The following RDH16 variants were observed in gnomAD, a reference collection of about 807,000 sequenced individuals.
RDH16 encodes human epidermal retinol dehydrogenase.
RDH16 carries 25 observed loss-of-function variants against 22.3 expected under a neutral mutation model. The ratio of observed to expected loss-of-function variants is 1.12; its 90% CI spans 0.82 to 1.56. The LOEUF is 1.56. Ranked by LOEUF, RDH16 falls within the 40% of genes most tolerant of loss-of-function variation. The pLI, the probability that RDH16 is intolerant of heterozygous loss-of-function variation, is 0.00. For missense variants in RDH16, 413 were observed against 394.9 expected, an observed-to-expected ratio of 1.05 and a Z score of -0.39; for synonymous variants, 154 against 164.4, an observed-to-expected ratio of 0.94 and a Z score of 0.48.
chr12:56,951,793 C>G lies in RDH16; in HGVS notation c.*236G>C. The G allele has an allele frequency of 1.8e-6, 1 of 555,652 alleles. No homozygotes were observed. The allele number at this position is 555,652 out of a possible 1,614,324, so 34.4% of individuals were successfully genotyped here. A position where few individuals can be genotyped will look rare whatever the true frequency, so the allele number is the denominator to read the frequency against. On this transcript the variant is annotated 3_prime_UTR_variant, in exon 4 of 4. Transcript: ENST00000398138. ...GTGGCCACCCACGGTGACAATGCAC[C>G]CAGGAGCACTATTTGGTCCCTGTTT...
At chr12:56,953,999 C>A (rs144293112) in intron 2 of RDH16, among the ~76,000 whole-genome samples, 7 of 152,168 alleles carry the variant, frequency 4.6e-5, no homozygotes, top group Non-Finnish European at 8.8e-5. Flanking sequence ...GACTCAGATG[C>A]TCTACCCATC....
At chr12:56,953,224 C>G (rs935551075) in intron 2 of RDH16, among the ~76,000 whole-genome samples, 1 of 152,172 alleles carries the variant, frequency 6.6e-6, no homozygotes, top group Non-Finnish European at 1.5e-5. Flanking sequence ...CCTACCAATT[C>G]CAAAGCAAGG....
chr12:56,956,212 C>A (rs1955927718), intron 1 of RDH16, among the ~76,000 whole-genome samples: 1 of 152,090 alleles, frequency 6.6e-6, no homozygotes, highest in South Asian at 2.1e-4. Context: ...AATAAAAGTC[C>A]ACCAAGATGA....
In RDH16 at chr12:56,954,900, C is replaced by A; in HGVS notation, c.572+6G>T. 1 of 1,614,096 alleles carries A rather than the reference C, an allele frequency of 6.2e-7. No individual in the cohort carries two copies. The highest frequency in any genetic ancestry group is 8.5e-7 in the Non-Finnish European group (1 of 1,180,020). ...GACTAGGGTGGGCCCCATCCCAGAC[C>A]CATACCTGAGGGAGTCAGAGAAGGC... On this transcript the variant is annotated splice_donor_region_variant and intron_variant, in intron 2 of 3. Transcript: ENST00000398138.
In RDH16 at chr12:56,951,926, A is replaced by T; in HGVS notation, c.*103T>A. ...ATGAAGGAGGTGGGATTGGTGCCCT[A>T]CTGACCGGACGGCTCCCTCCCTCCA... On this transcript the variant is annotated 3_prime_UTR_variant, in exon 4 of 4. Coordinates refer to ENST00000398138, the MANE Select transcript of RDH16 (RefSeq NM_003708.5). 1 of 904,356 alleles carries T rather than the reference A, an allele frequency of 1.1e-6. No individual in the cohort carries two copies. The highest frequency in any genetic ancestry group is 1.7e-6 in the Non-Finnish European group (1 of 572,096). The allele number at this position is 904,356 out of a possible 1,614,324, so 56.0% of individuals were successfully genotyped here.
Position 56,951,936 on chromosome 12 carries a change from C to T in RDH16, c.*93G>A, listed in dbSNP as rs147795803. 7.7e-5 allele frequency: 82 copies of T among 1,064,496 alleles called. No individual in the cohort carries two copies. Among genetic ancestry groups the T allele is most frequent in the South Asian group, 7.1e-4 (49 of 69,006 alleles). 65.9% of individuals were successfully genotyped at this position (1,064,496 alleles called of 1,614,324 possible). On this transcript the variant is annotated 3_prime_UTR_variant, in exon 4 of 4. Transcript: ENST00000398138. ...TGGGATTGGTGCCCTACTGACCGGA[C>T]GGCTCCCTCCCTCCACTTTATATCT...
At position 56,957,291 on chromosome 12, in the gene RDH16, C is replaced by G; in HGVS notation, c.172G>C (p.Ala58Pro). ...QLDARGLRVLAACLTEKGAEQ... is the reference protein window; with the variant it reads ...QLDARGLRVLPACLTEKGAEQ... ...GCTCCTTTCTCCGTCAGACATGCAG[C>G]CAGCACCCGCAAGCCTCGTGCATCC... The change falls in exon 1 of 4, where the codon GCT becomes CCT. Residue 58 changes from alanine (A) to proline (P), a missense_variant. Transcript: ENST00000398138. 3 of 1,614,206 alleles carry G rather than the reference C, an allele frequency of 1.9e-6. No individual in the cohort carries two copies. Among genetic ancestry groups the G allele is most frequent in the South Asian group, 1.1e-5 (1 of 91,080 alleles).
At chr12:56,953,033 G>A (rs368702955) in intron 2 of RDH16, 43 bp from the exon 3 acceptor site, 48 of 1,552,998 alleles carry the variant, frequency 3.1e-5, no homozygotes, top group South Asian at 9.7e-5. Flanking sequence ...CGGGGGTCTT[G>A]GAAGGTAAAA....
At chr12:56,953,784 G>T (rs1565618352) in intron 2 of RDH16, among the ~76,000 whole-genome samples, 1 of 152,202 alleles carries the variant, frequency 6.6e-6, no homozygotes, top group Non-Finnish European at 1.5e-5. Context: ...CCCCAGCTCA[G>T]ATGGAATCTC....
intron 3 of RDH16, 77 bp downstream of exon 3, chr12:56,952,750 C>A: frequency 6.6e-7 from 1 of 1,515,712 alleles, no homozygotes; most frequent in Non-Finnish European, 8.9e-7. Flanking sequence ...AACTCTAATG[C>A]CCTTCAGACA....
chr12:56,957,265 G>A lies in RDH16; in HGVS notation c.198C>T (p.Ala66=), dbSNP rs200545587. 1.5e-5 allele frequency: 24 copies of A among 1,614,122 alleles called. No individual in the cohort carries two copies. The highest frequency in any genetic ancestry group is 3.3e-5 in the Admixed American group (2 of 60,022). Reference sequence around the variant, plus strand: ...CTGAAGTCTGGCCCCTCAGCTGCTCGGCTCCTTTCTCCGTCAGACATGCAG... The same window carrying A: ...CTGAAGTCTGGCCCCTCAGCTGCTCAGCTCCTTTCTCCGTCAGACATGCAG... ...VLAACLTEKG[A]EQLRGQTSDR... Residue 66 remains alanine, a synonymous_variant, in exon 1 of 4, where the codon GCC becomes GCT. Transcript: ENST00000398138.
At position 56,951,711 on chromosome 12, in the gene RDH16, G is replaced by A; in HGVS notation, c.*318C>T. 2 of 378,094 alleles carry A rather than the reference G, an allele frequency of 5.3e-6. No homozygotes were observed. The highest frequency in any genetic ancestry group is 3.7e-5 in the Admixed American group (1 of 27,030). The allele number at this position is 378,094 out of a possible 1,614,324, so 23.4% of individuals were successfully genotyped here. On this transcript the variant is annotated 3_prime_UTR_variant, in exon 4 of 4. Coordinates refer to ENST00000398138, the MANE Select transcript of RDH16 (RefSeq NM_003708.5). ...GCATGGGCTGAGGCTCCTTCCACCT[G>A]CTCACACCCACCCCAGTTGTTAGCC...
intron 1 of RDH16, 142 bp downstream of exon 1, chr12:56,957,008 C>A: frequency 1.2e-6 from 1 of 825,984 alleles, no homozygotes; most frequent in Non-Finnish European, 1.9e-6. Context: ...GTTCAGGCAG[C>A]CTGTTAAGTG....
chr12:56,952,181 T>C lies in RDH16; in HGVS notation c.802A>G (p.Met268Val). Residue 268 changes from methionine (M) to valine (V), a missense_variant, in exon 4 of 4, where the codon ATG (methionine) becomes GTG (valine). Met to Val is a conservative substitution (Grantham distance 21, BLOSUM62 1). Coordinates refer to ENST00000398138, the MANE Select transcript of RDH16 (RefSeq NM_003708.5). The part of the protein sequence containing the change: ...TQDLSLVTNC[M>V]EHALIACHPR... ...TGGCAGGCAATCAGCGCATGCTCCATGCAGTTGGTCACCAACGACAGATCC... is the reference window on the plus strand; with the variant it reads ...TGGCAGGCAATCAGCGCATGCTCCACGCAGTTGGTCACCAACGACAGATCC... 6.2e-7 allele frequency: 1 copy of C among 1,614,206 alleles called. No homozygotes were observed. The highest frequency in any genetic ancestry group is 1.3e-5 in the African/African-American group (1 of 75,046).
chr12:56,954,586 T>G (rs1381200918), intron 2 of RDH16, among the ~76,000 whole-genome samples: 1 of 152,180 alleles, frequency 6.6e-6, no homozygotes, highest in African/African-American at 2.4e-5. Context: ...TGTGTTCCTC[T>G]TGGTAGGATC....
At chr12:56,956,970 G>C (rs1565619205) in intron 1 of RDH16, among the ~76,000 whole-genome samples, 180 bp downstream of exon 1, 1 of 152,184 alleles carries the variant, frequency 6.6e-6, no homozygotes, top group Admixed American at 6.5e-5. Context: ...CCAATGTCGG[G>C]AGAGGTTAAG....
In RDH16 at chr12:56,955,173, G is replaced by C. The variant is rs1190410461; in HGVS notation, c.314-9C>G. The C allele has an allele frequency of 1.2e-6, 2 of 1,613,836 alleles. No homozygotes were observed. Among genetic ancestry groups the C allele is most frequent in the South Asian group, 2.2e-5 (2 of 91,026 alleles). ...CACCAGGCCCCAGAGTCCTGGGACA[G>C]TGGGAAGATGAGAGAGCATCACTGT... is the stretch of plus-strand genomic sequence containing the variant. On this transcript the variant is annotated splice_polypyrimidine_tract_variant and intron_variant, in intron 1 of 3. Coordinates refer to ENST00000398138, the MANE Select transcript of RDH16 (RefSeq NM_003708.5).
Position 56,951,574 on chromosome 12 carries a change from G to A in RDH16, c.*455C>T, listed in dbSNP as rs1955878636. ...TCCAGTCCCAACACCACGTGTACAGGGATCTTCAGAGGAGGGGTGCCCTCA... is the reference window on the plus strand; with the variant it reads ...TCCAGTCCCAACACCACGTGTACAGAGATCTTCAGAGGAGGGGTGCCCTCA... On this transcript the variant is annotated 3_prime_UTR_variant, in exon 4 of 4. Coordinates refer to ENST00000398138, the MANE Select transcript of RDH16 (RefSeq NM_003708.5). 1 of 209,374 alleles carries A rather than the reference G, an allele frequency of 4.8e-6. No individual in the cohort carries two copies. Among genetic ancestry groups the A allele is most frequent in the South Asian group, 9.9e-5 (1 of 10,092 alleles). 13.0% of individuals were successfully genotyped at this position (209,374 alleles called of 1,614,324 possible).
In RDH16 at chr12:56,952,975, G is replaced by C; in HGVS notation, c.588C>G (p.Tyr196Ter). Residue 196 changes from tyrosine to a stop codon, truncating the protein, a stop_gained, in exon 3 of 4, where the codon TAC (tyrosine) becomes TAG (stop). Coordinates refer to ENST00000398138, the MANE Select transcript of RDH16 (RefSeq NM_003708.5). LOFTEE classifies it high-confidence loss of function. ...CAATCATAGCCACCTTCACCCCAAA[G>C]TAGGAGAGTTCCCTCCTGCAAGACA... ...FSDSLRRELS[Y>*]FGVKVAMIEP... is the part of the protein sequence containing the mutation. 1 of 1,612,802 alleles carries C rather than the reference G, an allele frequency of 6.2e-7. No homozygotes were observed. The highest frequency in any genetic ancestry group is 8.5e-7 in the Non-Finnish European group (1 of 1,179,428).
Sources: allele counts gnomAD v4.1 joint callset (sites outside exome capture counted in the v4.1 genomes callset), GRCh38; gene constraint gnomAD v4.1.1; transcripts MANE v1.5; gene names NCBI Gene and HGNC (gene_info 2026-07-23, HGNC 2026-07-21).